BUB1B: variants seen among roughly 807,000 people sequenced by gnomAD.
The protein encoded by BUB1B is mitotic checkpoint serine/threonine-protein kinase BUB1 beta.
A neutral mutation model predicts 137.7 loss-of-function variants in BUB1B; 86 were observed. That is an observed-to-expected ratio of 0.62 (90% confidence interval 0.52 to 0.75). BUB1B has a LOEUF of 0.75. BUB1B is among the 30% of genes least tolerant of loss of function. The probability of loss-of-function intolerance (pLI) is 0.00; values close to 1 mark genes in which losing one functional copy is unlikely to be tolerated. For synonymous variants in BUB1B, 420 were observed against 417.9 expected (o/e 1.00, Z -0.06); for missense variants, 1,130 against 1,236.9 (o/e 0.91, Z 1.30).
chr15:40,208,860 G>T (rs2037672647), intron 16 of BUB1B, 90 bp downstream of exon 16: 2 of 1,324,970 alleles, frequency 1.5e-6, no homozygotes, highest in Non-Finnish European at 2.1e-6. Flanking sequence ...TTTGAGACAG[G>T]GTCTCACTCT....
Position 40,213,484 on chromosome 15 carries a change from TTTCA to T in BUB1B, c.2678+14_2678+17del. On this transcript the variant is annotated intron_variant, in intron 20 of 22. Coordinates refer to ENST00000287598, the MANE Select transcript of BUB1B (RefSeq NM_001211.6). The stretch of plus-strand genomic sequence containing the variant: ...TGATTCTCAGAAACAGGTTGGTCCT[TTTCA>T]TTCTTATAATTCTGCCAGCTGTCTC... The T allele has an allele frequency of 6.2e-7, 1 of 1,613,912 alleles. No individual in the cohort carries two copies. Among genetic ancestry groups the T allele is most frequent in the African/African-American group, 1.3e-5 (1 of 75,014 alleles).
chr15:40,170,739 A>G, intron 4 of BUB1B, 58 bp downstream of exon 4: 1 of 1,572,718 alleles, frequency 6.4e-7, no homozygotes, highest in African/African-American at 1.3e-5. Flanking sequence ...GATTTTCTCT[A>G]GAGGTATCTG....
In BUB1B at chr15:40,200,791, T is replaced by C; in HGVS notation, c.1518-140T>C. On this transcript the variant is annotated intron_variant, in intron 11 of 22. Coordinates refer to ENST00000287598, the MANE Select transcript of BUB1B (RefSeq NM_001211.6). The stretch of plus-strand genomic sequence containing the variant: ...TTGATAACCAAAGCTTCCATCTTCT[T>C]TAAGAGAATTTGAATTGACAGTAAT... The C allele has an allele frequency of 4.2e-6, 3 of 717,232 alleles. No individual in the cohort carries two copies. The South Asian group carries it at 5.7e-5, about 14-fold the overall frequency. 44.4% of individuals were successfully genotyped at this position (717,232 alleles called of 1,614,324 possible). A position where few individuals can be genotyped will look rare whatever the true frequency, so the allele number is the denominator to read the frequency against.
At chr15:40,210,444 T>C (rs1290745246) in intron 18 of BUB1B, among the ~76,000 whole-genome samples, 1 of 152,212 alleles carries the variant, frequency 6.6e-6, no homozygotes, top group Non-Finnish European at 1.5e-5. Flanking sequence ...ACAATCACCT[T>C]GGAATTTCCA....
chr15:40,216,044 G>A (rs558142633), intron 20 of BUB1B, among the ~76,000 whole-genome samples: 22 of 152,340 alleles, frequency 1.4e-4, no homozygotes, highest in Admixed American at 1.2e-3. Context: ...CAAAGTAACA[G>A]TGAGTGAGTA....
Position 40,183,725 on chromosome 15 carries a change from C to T in BUB1B, c.593C>T (p.Ala198Val), listed in dbSNP as rs754371960. The change falls in exon 6 of 23, where the codon GCT becomes GTT. Residue 198 changes from alanine (A) to valine (V), a missense_variant. Coordinates refer to ENST00000287598, the MANE Select transcript of BUB1B (RefSeq NM_001211.6). ...RLQSQHRQFQARVSRQTLLAL... is the reference protein window; with the variant it reads ...RLQSQHRQFQVRVSRQTLLAL... ...TTCTGCTACTTTAGACAATTCCAAG[C>T]TCGAGTGTCTCGGCAAACTCTGTTG... The T allele has an allele frequency of 6.2e-7, 1 of 1,613,932 alleles. No individual in the cohort carries two copies. The highest frequency in any genetic ancestry group is 1.3e-5 in the African/African-American group (1 of 74,906).
At chr15:40,197,044 G>A (rs1018196047) in intron 9 of BUB1B, among the ~76,000 whole-genome samples, 2 of 152,166 alleles carry the variant, frequency 1.3e-5, no homozygotes, top group African/African-American at 2.4e-5. Context: ...AGTAAAGGAA[G>A]AAGTTCTGAA....
chr15:40,185,665 T>C (rs2140891138), intron 8 of BUB1B, 23 bp downstream of exon 8: 1 of 1,598,842 alleles, frequency 6.3e-7, no homozygotes, highest in East Asian at 2.2e-5. Flanking sequence ...TTTGGATATT[T>C]TGAAGTGGGA....
At chr15:40,185,100 C>T in intron 6 of BUB1B, 65 bp from the exon 7 acceptor site, 1 of 1,370,930 alleles carries the variant, frequency 7.3e-7, no homozygotes, top group East Asian at 2.3e-5. Flanking sequence ...AATAGGTATA[C>T]TTTATCTGGC....
intron 1 of BUB1B, among the ~76,000 whole-genome samples, chr15:40,162,012 G>A (rs1465262198): frequency 2.6e-5 from 4 of 152,136 alleles, no homozygotes; most frequent in African/African-American, 9.7e-5. Flanking sequence ...AGGTGGGGGA[G>A]TCAGACAATA....
At chr15:40,189,119 C>T (rs1231341168) in intron 8 of BUB1B, among the ~76,000 whole-genome samples, 1 of 151,980 alleles carries the variant, frequency 6.6e-6, no homozygotes, top group Non-Finnish European at 1.5e-5. Flanking sequence ...CTAGACATCT[C>T]GTGTAAATAA....
intron 22 of BUB1B, among the ~76,000 whole-genome samples, chr15:40,219,899 C>G (rs927802509): frequency 6.6e-6 from 1 of 151,948 alleles, no homozygotes; most frequent in Non-Finnish European, 1.5e-5. Context: ...TAATTCAGAA[C>G]TTGGCCAGTG....
chr15:40,207,278 C>A (rs1464984138), intron 15 of BUB1B, among the ~76,000 whole-genome samples: 2 of 152,082 alleles, frequency 1.3e-5, no homozygotes, highest in Non-Finnish European at 2.9e-5. Flanking sequence ...TTTAGGAATT[C>A]TTTGTAATTG....
intron 14 of BUB1B, among the ~76,000 whole-genome samples, chr15:40,205,071 C>T (rs1425663845): frequency 1.3e-5 from 2 of 151,764 alleles, no homozygotes; most frequent in East Asian, 1.9e-4. Flanking sequence ...CTCAGCCTCC[C>T]GAGTAGCTGG....
chr15:40,204,302 A>C (rs2037610340), intron 14 of BUB1B, among the ~76,000 whole-genome samples: 1 of 152,204 alleles, frequency 6.6e-6, no homozygotes, highest in South Asian at 2.1e-4. Flanking sequence ...ACAGTGATGT[A>C]AGAGTAATTA....
chr15:40,184,641 T>A (rs17668415), intron 6 of BUB1B, among the ~76,000 whole-genome samples: 22,362 of 152,110 alleles, frequency 0.15, 1,811 homozygotes, highest in African/African-American at 0.18. Context: ...ATCAGAATGT[T>A]ACTTGGTGGT....
chr15:40,207,713 A>G (rs2037654765), intron 15 of BUB1B, among the ~76,000 whole-genome samples: 2 of 151,932 alleles, frequency 1.3e-5, no homozygotes, highest in Non-Finnish European at 2.9e-5. Context: ...GGTTACCTAG[A>G]TTCTGATTTG....
Position 40,183,802 on chromosome 15 carries a change from C to A in BUB1B, c.670C>A (p.Arg224=). 1 of 1,614,054 alleles carries A rather than the reference C, an allele frequency of 6.2e-7. No homozygotes were observed. Among genetic ancestry groups the A allele is most frequent in the Non-Finnish European group, 8.5e-7 (1 of 1,179,974 alleles). ...AGTTTTTGAGTCTTCTGTACCACAACGAAGCACACTAGCTGAACTAAAGAG... is the reference window on the plus strand; with the variant it reads ...AGTTTTTGAGTCTTCTGTACCACAAAGAAGCACACTAGCTGAACTAAAGAG... ...EEVFESSVPQ[R]STLAELKSKG... Residue 224 remains arginine (R), a synonymous_variant, in exon 6 of 23, where the codon CGA becomes AGA. Coordinates refer to ENST00000287598, the MANE Select transcript of BUB1B (RefSeq NM_001211.6).
At chr15:40,201,439 C>T (rs888864003) in intron 12 of BUB1B, among the ~76,000 whole-genome samples, 10 of 151,954 alleles carry the variant, frequency 6.6e-5, no homozygotes, top group Non-Finnish European at 1.3e-4. Flanking sequence ...TGTTTCTAAC[C>T]GTCAATTTAT....
Sources: allele counts gnomAD v4.1 joint callset (sites outside exome capture counted in the v4.1 genomes callset), GRCh38; gene constraint gnomAD v4.1.1; transcripts MANE v1.5; gene names NCBI Gene and HGNC (gene_info 2026-07-23, HGNC 2026-07-21).